The following CHAT variants were observed in gnomAD, a reference collection of about 807,000 sequenced individuals.
CHAT encodes the protein choline O-acetyltransferase.
A neutral mutation model predicts 76.9 loss-of-function variants in CHAT; 61 were observed. That is an observed-to-expected ratio of 0.79 (90% CI 0.65 to 0.98). The LOEUF is 0.98. Ranked by LOEUF, CHAT falls within the 50% of genes least tolerant of loss-of-function variation. CHAT has a pLI of 0.00. For missense variants in CHAT, 946 were observed against 986.9 expected (o/e 0.96, Z 0.56); for synonymous variants, 407 against 397.4 (o/e 1.02, Z -0.29).
At chr10:49,615,314 T>TG (rs1204735469) in intron 1 of CHAT, among the ~76,000 whole-genome samples, 1 of 152,198 alleles carries the variant, frequency 6.6e-6, no homozygotes, top group Non-Finnish European at 1.5e-5. Flanking sequence ...ACTTTGCAGT[T>TG]GGGGGCAGCC....
chr10:49,614,618 T>A, intron 1 of CHAT, 143 bp downstream of exon 1: 1 of 748,424 alleles, frequency 1.3e-6, no homozygotes, highest in Non-Finnish European at 2.1e-6. Context: ...GCAGCGGCCG[T>A]CGGGGGTCAG....
At chr10:49,625,721 A>G in intron 6 of CHAT, 68 bp downstream of exon 6, 1 of 1,471,778 alleles carries the variant, frequency 6.8e-7, no homozygotes, top group Non-Finnish European at 9.3e-7. Flanking sequence ...CACGTCCATT[A>G]CCTTCTCCGA....
chr10:49,614,074 G>C lies in CHAT; in HGVS notation c.-116G>C. 6.5e-7 allele frequency: 1 copy of C among 1,532,648 alleles called. No individual in the cohort carries two copies. Among genetic ancestry groups the C allele is most frequent in the Non-Finnish European group, 8.8e-7 (1 of 1,140,314 alleles). The allele number at this position is 1,532,648 out of a possible 1,614,324, so 94.9% of individuals were successfully genotyped here. A position where few individuals can be genotyped will look rare whatever the true frequency, so the allele number is the denominator to read the frequency against. On this transcript the variant is annotated 5_prime_UTR_variant, in exon 1 of 15. Transcript: ENST00000337653. ...AGGGGCAGGAGGCATGGGCGGGACA[G>C]TGTTCTGTGCCCCCTTCTAGAGCCT...
At chr10:49,611,583 C>G (rs775965436), upstream of CHAT, 76 of 1,608,992 alleles carry the variant, frequency 4.7e-5, no homozygotes, top group Non-Finnish European at 6.0e-5. Context: ...TGGGCACTCC[C>G]ATCCACCGCC....
chr10:49,611,850 C>G, upstream of CHAT: 1 of 1,605,442 alleles, frequency 6.2e-7, no homozygotes, highest in Non-Finnish European at 8.5e-7. Flanking sequence ...TCGGCGCCAG[C>G]TCGTGCATCG....
At chr10:49,635,089 C>A (rs1181887349) in intron 7 of CHAT, among the ~76,000 whole-genome samples, 1 of 152,186 alleles carries the variant, frequency 6.6e-6, no homozygotes, top group East Asian at 1.9e-4. Context: ...CCACACCCAC[C>A]TCACCCCCTT....
Position 49,667,196 on chromosome 10 carries a change from G to A in CHAT, c.*2150G>A, listed in dbSNP as rs1840357773. Among the ~76,000 whole-genome samples the A allele has an allele frequency of 6.6e-6, 1 of 152,104 alleles. No homozygotes were observed. The highest frequency in any genetic ancestry group is 2.4e-5 in the African/African-American group (1 of 41,414). ...GTAGCTAATGTCTAAAAGACACAGG[G>A]GCCAGGAGAGAAAAGGGAGGAAAGA... On this transcript the variant is annotated 3_prime_UTR_variant, in exon 15 of 15. Coordinates refer to ENST00000337653, the MANE Select transcript of CHAT (RefSeq NM_020549.5).
intron 7 of CHAT, 113 bp downstream of exon 7, chr10:49,627,898 C>G (rs966949494): frequency 6.3e-6 from 8 of 1,273,530 alleles, no homozygotes; most frequent in Non-Finnish European, 7.7e-6. Flanking sequence ...AGTGTGGGAG[C>G]TCAGGGCCCA....
At chr10:49,622,024 A>C in intron 4 of CHAT, 73 bp from the exon 5 acceptor site, 3 of 1,496,586 alleles carry the variant, frequency 2.0e-6, no homozygotes, top group Non-Finnish European at 2.8e-6. Flanking sequence ...GAGGGAGGGG[A>C]GGCAGAAGGG....
intron 7 of CHAT, among the ~76,000 whole-genome samples, chr10:49,629,690 G>C (rs1839047475): frequency 6.6e-6 from 1 of 152,242 alleles, no homozygotes; most frequent in East Asian, 1.9e-4. Flanking sequence ...CTGAATGGAA[G>C]TGCTGTTTCT....
intron 7 of CHAT, among the ~76,000 whole-genome samples, chr10:49,642,718 G>A (rs1421744008): frequency 1.3e-5 from 2 of 152,364 alleles, no homozygotes; most frequent in African/African-American, 2.4e-5. Flanking sequence ...CTGGCTTTGG[G>A]GCTGTTTTTA....
chr10:49,661,867 CT>C (rs1840204742), intron 13 of CHAT, among the ~76,000 whole-genome samples: 1 of 152,196 alleles, frequency 6.6e-6, no homozygotes, highest in Admixed American at 6.5e-5. Flanking sequence ...CCGTGAACCC[CT>C]CCTACATTGA....
chr10:49,663,446 T>C lies in CHAT; in HGVS notation c.1977+664T>C, dbSNP rs72795726. On this transcript the variant is annotated intron_variant, in intron 14 of 14. Coordinates refer to ENST00000337653, the MANE Select transcript of CHAT (RefSeq NM_020549.5). ...CTTGGCTTGGCCAGATACAATTATG[T>C]AGGGAGAAAGCCCAGCCCAGGGCCT... is the stretch of plus-strand genomic sequence containing the variant. 9.0e-3 allele frequency among the ~76,000 whole-genome samples: 1,367 copies of C among 152,102 alleles called. 11 individuals carry two copies. The highest frequency in any genetic ancestry group is 0.014 in the Non-Finnish European group (945 of 67,974).
chr10:49,647,453 A>G (rs10400121), intron 8 of CHAT, among the ~76,000 whole-genome samples: 3,881 of 152,300 alleles, frequency 0.025, 178 homozygotes, highest in African/African-American at 0.088. Flanking sequence ...GCAAAAACAA[A>G]ACATCTCTCT....
At chr10:49,645,297 C>T (rs4838543) in intron 7 of CHAT, among the ~76,000 whole-genome samples, 44,033 of 152,124 alleles carry the variant, frequency 0.29, 7,347 homozygotes, top group Non-Finnish European at 0.36. Context: ...GCCCTGGGTG[C>T]CTCATCCTGT....
At chr10:49,648,028 G>C (rs1213236479) in intron 8 of CHAT, 2 of 202,820 alleles carry the variant, frequency 9.9e-6, no homozygotes, top group Non-Finnish European at 2.0e-5. Context: ...GGGCGGGAGG[G>C]GAGGGCCTGC....
chr10:49,619,679 G>T, intron 2 of CHAT, 46 bp from the exon 3 acceptor site: 1 of 1,581,760 alleles, frequency 6.3e-7, no homozygotes, highest in South Asian at 1.1e-5. Flanking sequence ...GACAGGCATG[G>T]GGCGCACATA....
chr10:49,622,031 AGGG>A (rs1400398206), intron 4 of CHAT, 63 bp from the exon 5 acceptor site: 14 of 1,445,402 alleles, frequency 9.7e-6, no homozygotes, highest in Non-Finnish European at 1.2e-5. Flanking sequence ...GGGAGGCAGA[AGGG>A]AGGGAGGGAG....
chr10:49,646,478 C>T (rs769281571), intron 7 of CHAT, 27 bp from the exon 8 acceptor site: 4 of 1,613,842 alleles, frequency 2.5e-6, no homozygotes, highest in Non-Finnish European at 2.5e-6. Context: ...GGGACAGGTG[C>T]TAGGGCTGTG....
Sources: allele counts gnomAD v4.1 joint callset (sites outside exome capture counted in the v4.1 genomes callset), GRCh38; gene constraint gnomAD v4.1.1; transcripts MANE v1.5; gene names NCBI Gene and HGNC (gene_info 2026-07-23, HGNC 2026-07-21).